KLF7: variants seen among roughly 807,000 people sequenced by gnomAD.
The protein encoded by KLF7 is KLF transcription factor 7.
Under a neutral mutation model 27.3 loss-of-function variants are expected in KLF7, and 2 were observed. That is an observed-to-expected ratio of 0.07 (90% CI 0.03 to 0.23). The LOEUF (loss-of-function observed/expected upper bound fraction) is 0.23. KLF7 is among the 10% of genes least tolerant of loss of function. The pLI is 1.00. For synonymous variants in KLF7, 165 were observed against 162.4 expected (o/e 1.02, Z -0.12); for missense variants, 221 against 394.1 (o/e 0.56, Z 3.72).
intron 1 of KLF7, among the ~76,000 whole-genome samples, chr2:207,136,765 T>C (rs898559529): frequency 1.2e-4 from 18 of 152,294 alleles, no homozygotes; most frequent in Admixed American, 2.6e-4. Flanking sequence ...AGTGAACCAA[T>C]GAAGCCACTA....
In KLF7 at chr2:207,165,775, G is replaced by A. The variant is rs1574609962; in HGVS notation, c.-207C>T. On this transcript the variant is annotated 5_prime_UTR_variant, in exon 1 of 4. Transcript: ENST00000309446. ...AGGTGAGAGAGGAGCGAGTGAGTGG[G>A]GTGGATGGAGAGAGGCATCCAGCGT... 2 of 1,431,608 alleles carry A rather than the reference G, an allele frequency of 1.4e-6. No individual in the cohort carries two copies. Among genetic ancestry groups the A allele is most frequent in the Non-Finnish European group, 1.8e-6 (2 of 1,098,716 alleles). The allele number at this position is 1,431,608 out of a possible 1,614,324, so 88.7% of individuals were successfully genotyped here. A position where few individuals can be genotyped will look rare whatever the true frequency, so the allele number is the denominator to read the frequency against.
intron 2 of KLF7, among the ~76,000 whole-genome samples, chr2:207,116,402 T>TC (rs1491545389): frequency 6.6e-6 from 1 of 152,196 alleles, no homozygotes; most frequent in Admixed American, 6.5e-5. Context: ...CCAATTTGTT[T>TC]AAAAAAATTA....
chr2:207,124,199 T>C lies in KLF7; in HGVS notation c.308A>G (p.Lys103Arg). 1 of 1,614,070 alleles carries C rather than the reference T, an allele frequency of 6.2e-7. No homozygotes were observed. Among genetic ancestry groups the C allele is most frequent in the Non-Finnish European group, 8.5e-7 (1 of 1,180,020 alleles). ...SAVDILLSRDKLLSETCLSLQ... is the reference protein window; with the variant it reads ...SAVDILLSRDRLLSETCLSLQ... ...GCTGAGGCAGGTCTCAGATAGCAAC[T>C]TGTCCCGAGAGAGCAAGATGTCCAC... The change falls in exon 2 of 4, where the codon AAG (lysine) becomes AGG (arginine). Residue 103 changes from lysine (K) to arginine (R), a missense_variant. By Grantham distance (26) the Lys-to-Arg change is conservative. This residue lies in a region of KLF7 where 180 missense variants were observed against 227.9 expected (regional missense o/e 0.79). Coordinates refer to ENST00000309446, the MANE Select transcript of KLF7 (RefSeq NM_003709.4).
At chr2:207,106,841 G>C (rs1046315697) in intron 2 of KLF7, among the ~76,000 whole-genome samples, 12 of 152,186 alleles carry the variant, frequency 7.9e-5, no homozygotes, top group Admixed American at 5.9e-4. Flanking sequence ...TGGAAGAAGG[G>C]TGGGGTCTGC....
rs1299827897 is a variant in KLF7, at chr2:207,079,071, TTTTTTGTTTTTG to T, written c.*2130_*2141del. 2.0e-5 allele frequency: 3 copies of T among 151,804 alleles called. No individual in the cohort carries two copies. Among genetic ancestry groups the T allele is most frequent in the Admixed American group, 6.6e-5 (1 of 15,252 alleles). 9.4% of individuals were successfully genotyped at this position (151,804 alleles called of 1,614,324 possible). ...TTTCGTTTTGTATTATTTTGTTTTT[TTTTTTGTTTTTG>T]TTTTTGTTTTTTTTGGTCTAAATAG... On this transcript the variant is annotated 3_prime_UTR_variant, in exon 4 of 4. Transcript: ENST00000309446.
chr2:207,119,788 C>T (rs2077287362), intron 2 of KLF7, among the ~76,000 whole-genome samples: 4 of 152,152 alleles, frequency 2.6e-5, no homozygotes, highest in Admixed American at 1.3e-4. Context: ...ACTGCAACCT[C>T]CGCCTCCTGG....
rs1429073123 is a variant in KLF7, at chr2:207,075,070, G to A, written c.*6143C>T. On this transcript the variant is annotated 3_prime_UTR_variant, in exon 4 of 4. Coordinates refer to ENST00000309446, the MANE Select transcript of KLF7 (RefSeq NM_003709.4). ...TTTTTCCCCAGTGAAACAAGCTAAG[G>A]AGAAATACAGTAAAGTATTCCAAGG... 6.6e-6 allele frequency: 1 copy of A among 152,056 alleles called. No individual in the cohort carries two copies. Among genetic ancestry groups the A allele is most frequent in the Non-Finnish European group, 1.5e-5 (1 of 67,996 alleles). The allele number at this position is 152,056 out of a possible 1,614,324, so 9.4% of individuals were successfully genotyped here. A position where few individuals can be genotyped will look rare whatever the true frequency, so the allele number is the denominator to read the frequency against.
At chr2:207,133,218 C>T (rs761335046) in intron 1 of KLF7, among the ~76,000 whole-genome samples, 23 of 152,182 alleles carry the variant, frequency 1.5e-4, no homozygotes, top group Non-Finnish European at 2.9e-4. Context: ...TTGTTACATA[C>T]AGATTGAAAG....
At chr2:207,141,206 T>C (rs970551665) in intron 1 of KLF7, among the ~76,000 whole-genome samples, 4 of 152,178 alleles carry the variant, frequency 2.6e-5, no homozygotes, top group Non-Finnish European at 5.9e-5. Flanking sequence ...GAAAATGGAA[T>C]TCCCTACTCT....
intron 2 of KLF7, among the ~76,000 whole-genome samples, chr2:207,093,855 T>C (rs998935018): frequency 6.6e-6 from 1 of 152,244 alleles, no homozygotes; most frequent in African/African-American, 2.4e-5. Context: ...GTTTGCTTGG[T>C]TGCTTAAATC....
intron 2 of KLF7, among the ~76,000 whole-genome samples, chr2:207,102,368 T>C (rs1421132551): frequency 6.6e-5 from 10 of 152,210 alleles, no homozygotes; most frequent in Non-Finnish European, 4.4e-5. Flanking sequence ...AATGTCAATG[T>C]AATGTGACTT....
upstream of KLF7, among the ~76,000 whole-genome samples, chr2:207,167,962 C>T (rs1300178718): frequency 2.6e-5 from 4 of 152,154 alleles, no homozygotes; most frequent in Non-Finnish European, 4.4e-5. Flanking sequence ...TTAATAGAAT[C>T]TTGGAGATAG....
chr2:207,081,296 A>G (rs993457177), intron 3 of KLF7, 32 bp from the exon 4 acceptor site: 1 of 1,565,662 alleles, frequency 6.4e-7, no homozygotes, highest in Non-Finnish European at 8.8e-7. Context: ...GATATTAGAG[A>G]ACTCCCAGCA....
At chr2:207,152,210 A>G (rs7581375) in intron 1 of KLF7, among the ~76,000 whole-genome samples, 12,612 of 152,092 alleles carry the variant, frequency 0.083, 1,750 homozygotes, top group African/African-American at 0.29. Context: ...GGTTAATGGA[A>G]TTCTCTACAA....
At chr2:207,111,786 T>C (rs192013978) in intron 2 of KLF7, among the ~76,000 whole-genome samples, 72 of 152,274 alleles carry the variant, frequency 4.7e-4, no homozygotes, top group African/African-American at 1.7e-3. Context: ...CTCGGAAGTA[T>C]GCACTGATGT....
At chr2:207,153,231 C>G (rs1414529682) in intron 1 of KLF7, among the ~76,000 whole-genome samples, 1 of 151,958 alleles carries the variant, frequency 6.6e-6, no homozygotes, top group Non-Finnish European at 1.5e-5. Flanking sequence ...CTCCGCACAC[C>G]TTTGGTTCAG....
At chr2:207,159,041 C>G (rs1187872643) in intron 1 of KLF7, among the ~76,000 whole-genome samples, 1 of 152,172 alleles carries the variant, frequency 6.6e-6, no homozygotes, top group African/African-American at 2.4e-5. Flanking sequence ...GAAACCAAGA[C>G]CCTTTCAAGA....
At chr2:207,105,602 T>C (rs1334948623) in intron 2 of KLF7, among the ~76,000 whole-genome samples, 1 of 152,160 alleles carries the variant, frequency 6.6e-6, no homozygotes, top group African/African-American at 2.4e-5. Flanking sequence ...GTCCATCCTA[T>C]TTGCTGTGCC....
At chr2:207,139,798 T>C (rs1022014224) in intron 1 of KLF7, among the ~76,000 whole-genome samples, 6 of 152,232 alleles carry the variant, frequency 3.9e-5, no homozygotes, top group African/African-American at 1.4e-4. Flanking sequence ...TAAAAGCAAA[T>C]GGGATTTCAG....
Sources: gnomAD v4.1 joint callset for allele counts (sites outside exome capture counted in the v4.1 genomes callset) on GRCh38, gnomAD v4.1.1 for gene constraint, gnomAD v4.1.1 regional missense constraint, MANE v1.5 for transcripts, NCBI Gene and HGNC (gene_info 2026-07-23, HGNC 2026-07-21) for gene names.